Variants in SYNPO observed in about 807,000 individuals in gnomAD.
SYNPO encodes synaptopodin.
Under a neutral mutation model 49.5 loss-of-function variants are expected in SYNPO, and 19 were observed. The observed-to-expected ratio is 0.38, with a 90% CI of 0.27 to 0.56. SYNPO has a LOEUF of 0.56. SYNPO is among the 20% of genes least tolerant of loss of function. The probability of loss-of-function intolerance (pLI) is 0.68; values close to 1 mark genes in which losing one functional copy is unlikely to be tolerated. For synonymous variants in SYNPO, 536 were observed against 548.0 expected, an observed-to-expected ratio of 0.98 and a Z score of 0.31; for missense variants, 1,131 against 1,248.3, an observed-to-expected ratio of 0.91 and a Z score of 1.42.
At chr5:150,602,403 C>A (rs561308933) in intron 1 of SYNPO, among the ~76,000 whole-genome samples, 1 of 152,266 alleles carries the variant, frequency 6.6e-6, no homozygotes, top group African/African-American at 2.4e-5. Flanking sequence ...ATGTAGACTG[C>A]CAATTTTCAT....
In SYNPO at chr5:150,640,785, TGA is replaced by T; in HGVS notation, c.-399_-398del. The T allele has an allele frequency of 1.0e-6, 1 of 985,598 alleles. No individual in the cohort carries two copies. Among genetic ancestry groups the T allele is most frequent in the Non-Finnish European group, 1.2e-6 (1 of 829,934 alleles). The allele number at this position is 985,598 out of a possible 1,614,324, so 61.1% of individuals were successfully genotyped here. A position where few individuals can be genotyped will look rare whatever the true frequency, so the allele number is the denominator to read the frequency against. On this transcript the variant is annotated 5_prime_UTR_variant, in exon 1 of 3. Coordinates refer to ENST00000307662, the MANE Select transcript of SYNPO (RefSeq NM_007286.6). ...AATTGGCTGCCTTTGCCGGAGGCTTTGAGAACCAAGGCTTGAAGGCCGGCAGG... is the reference window on the plus strand; with the variant it reads ...AATTGGCTGCCTTTGCCGGAGGCTTTGAACCAAGGCTTGAAGGCCGGCAGG...
chr5:150,650,841 C>G, intron 2 of SYNPO: 2 of 1,278,432 alleles, frequency 1.6e-6, no homozygotes, highest in Non-Finnish European at 2.0e-6. Context: ...GCTGGATTCT[C>G]ACCTCCATGG....
In SYNPO at chr5:150,649,453, C is replaced by G; in HGVS notation, c.1178C>G (p.Pro393Arg). Reference sequence around the variant, plus strand: ...GAGAAGCCCAAGGTGACCCCGAATCCAGACTTGCTGGATCTGGTACAGACA... The same window carrying G: ...GAGAAGCCCAAGGTGACCCCGAATCGAGACTTGCTGGATCTGGTACAGACA... The part of the protein sequence containing the change: ...FVEKPKVTPN[P>R]DLLDLVQTAD... The change falls in exon 2 of 3, where the codon CCA becomes CGA. Residue 393 changes from proline (P) to arginine (R), a missense_variant. Physicochemically the swap from Pro to Arg is moderately radical, Grantham distance 103. This residue lies in a region of SYNPO where 602 missense variants were observed against 720.7 expected (regional missense o/e 0.84). Transcript: ENST00000307662. 1 of 1,614,190 alleles carries G rather than the reference C, an allele frequency of 6.2e-7. No homozygotes were observed. Among genetic ancestry groups the G allele is most frequent in the Non-Finnish European group, 8.5e-7 (1 of 1,180,026 alleles).
chr5:150,635,171 G>A (rs534831295), intron 2 of SYNPO, among the ~76,000 whole-genome samples: 2 of 152,384 alleles, frequency 1.3e-5, no homozygotes, highest in South Asian at 4.1e-4. Context: ...AGCCTTCCAC[G>A]AGTCCCGTGT....
intron 2 of SYNPO, among the ~76,000 whole-genome samples, chr5:150,635,552 T>C (rs1757687663): frequency 6.6e-6 from 1 of 152,222 alleles, no homozygotes; most frequent in Non-Finnish European, 1.5e-5. Flanking sequence ...CACTGTGACC[T>C]CCACCTCCTG....
chr5:150,618,116 G>A (rs902323314), exon 2 of SYNPO: 18 of 437,264 alleles, frequency 4.1e-5, no homozygotes, highest in Non-Finnish European at 5.2e-5. Flanking sequence ...GCCCCAAAGC[G>A]GCCTCACACC....
At chr5:150,586,844 A>C in the SYNPO span, among the ~76,000 whole-genome samples, 27 of 152,342 alleles carry the variant, frequency 1.8e-4, no homozygotes, top group Middle Eastern at 3.4e-3. Flanking sequence ...GGATGCATGG[A>C]TGGATATGTG....
intron 1 of SYNPO, among the ~76,000 whole-genome samples, chr5:150,609,546 C>G (rs10476940): frequency 6.6e-6 from 1 of 152,048 alleles, no homozygotes; most frequent in African/African-American, 2.4e-5. Context: ...CTGCCCACCT[C>G]GCCCTCCCAA....
At chr5:150,647,908 CCT>C (rs1758163610) in intron 1 of SYNPO, 34 bp from the exon 2 acceptor site, 4 of 1,534,170 alleles carry the variant, frequency 2.6e-6, no homozygotes, top group African/African-American at 2.7e-5. Context: ...TCACTGCATT[CCT>C]GTTTGCTAAC....
intron 2 of SYNPO, chr5:150,624,805 C>G: frequency 1.0e-6 from 1 of 955,806 alleles, no homozygotes. Flanking sequence ...TGGCGCGGGG[C>G]GGGGGTGGCG....
chr5:150,643,613 C>G (rs1757986135), intron 1 of SYNPO, among the ~76,000 whole-genome samples: 1 of 152,166 alleles, frequency 6.6e-6, no homozygotes, highest in Admixed American at 6.5e-5. Context: ...CGGCTCACCG[C>G]AACCTCTGCC....
chr5:150,647,221 C>A (rs555429078), intron 1 of SYNPO, among the ~76,000 whole-genome samples: 1 of 145,494 alleles, frequency 6.9e-6, no homozygotes, highest in Admixed American at 7.0e-5. Context: ...CTAGCCTGGG[C>A]GACAAGAGCA....
chr5:150,652,533 G>A, intron 2 of SYNPO: 1 of 479,768 alleles, frequency 2.1e-6, no homozygotes. Flanking sequence ...TGGAAATGAG[G>A]GCTTCCTCTC....
the SYNPO span, among the ~76,000 whole-genome samples, chr5:150,594,491 G>A: frequency 6.6e-6 from 1 of 152,176 alleles, no homozygotes; most frequent in East Asian, 1.9e-4. Flanking sequence ...GATGGCTACA[G>A]AAATGGGTCC....
Position 150,657,408 on chromosome 5 carries a change from T to G in SYNPO, c.*321T>G. 3.4e-6 allele frequency: 1 copy of G among 295,604 alleles called. No homozygotes were observed. The highest frequency in any genetic ancestry group is 6.2e-6 in the Non-Finnish European group (1 of 162,218). 18.3% of individuals were successfully genotyped at this position (295,604 alleles called of 1,614,324 possible). A position where few individuals can be genotyped will look rare whatever the true frequency, so the allele number is the denominator to read the frequency against. ...AGTACACACACCGATGCACACACAC[T>G]CTCTCTTTCTCTCTCTCTCTCTCTC... is the stretch of plus-strand genomic sequence containing the variant. On this transcript the variant is annotated 3_prime_UTR_variant, in exon 3 of 3. Coordinates refer to ENST00000307662, the MANE Select transcript of SYNPO (RefSeq NM_007286.6).
the SYNPO span, among the ~76,000 whole-genome samples, chr5:150,588,917 C>G: frequency 6.6e-6 from 1 of 152,188 alleles, no homozygotes; most frequent in African/African-American, 2.4e-5. Flanking sequence ...CCAATTCCTT[C>G]TTGAGAAGCA....
chr5:150,645,864 C>T (rs1480123044), intron 1 of SYNPO, among the ~76,000 whole-genome samples: 2 of 152,168 alleles, frequency 1.3e-5, no homozygotes, highest in African/African-American at 4.8e-5. Context: ...CTACAGTAGT[C>T]ATTGGTGAAA....
intron 1 of SYNPO, among the ~76,000 whole-genome samples, chr5:150,617,454 C>T (rs1581462993): frequency 6.6e-6 from 1 of 152,150 alleles, no homozygotes; most frequent in Non-Finnish European, 1.5e-5. Flanking sequence ...TACCACTACG[C>T]CCAGCTAATT....
chr5:150,656,696 C>G lies in SYNPO; in HGVS notation c.2321C>G (p.Ser774Trp), dbSNP rs1203830017. Residue 774 changes from serine to tryptophan, a missense_variant, in exon 3 of 3, where the codon TCG becomes TGG. Physicochemically the swap from Ser to Trp is radical, Grantham distance 177. This residue lies in a region of SYNPO where 509 missense variants were observed against 484.5 expected (regional missense o/e 1.05). Coordinates refer to ENST00000307662, the MANE Select transcript of SYNPO (RefSeq NM_007286.6). The stretch of plus-strand genomic sequence containing the variant: ...CGGCGCAAGAGCGCCTCCCCGCGGT[C>G]GGCGGGCGCCGAGAACCCGCGGCCC... ...AARRKSASPR[S>W]AGAENPRPFS... is the part of the protein sequence containing the mutation. 4 of 1,452,498 alleles carry G rather than the reference C, an allele frequency of 2.8e-6. No individual in the cohort carries two copies. The highest frequency in any genetic ancestry group is 3.0e-5 in the East Asian group (1 of 32,972). 90.0% of individuals were successfully genotyped at this position (1,452,498 alleles called of 1,614,324 possible). A position where few individuals can be genotyped will look rare whatever the true frequency, so the allele number is the denominator to read the frequency against.
Sources: allele counts gnomAD v4.1 joint callset (sites outside exome capture counted in the v4.1 genomes callset), GRCh38; gene constraint gnomAD v4.1.1; regional missense constraint gnomAD v4.1.1; transcripts MANE v1.5; gene names NCBI Gene and HGNC (gene_info 2026-07-23, HGNC 2026-07-21).